The following ARFGEF2 variants were observed in gnomAD, a reference collection of about 807,000 sequenced individuals.
ARFGEF2 encodes the protein brefeldin A-inhibited guanine nucleotide-exchange protein 2.
Under a neutral mutation model 219.9 loss-of-function variants are expected in ARFGEF2, and 74 were observed. That is an observed-to-expected ratio of 0.34 (90% CI 0.28 to 0.41). The LOEUF (loss-of-function observed/expected upper bound fraction) is 0.41. ARFGEF2 is among the 10% of genes least tolerant of loss of function. The pLI, the probability that ARFGEF2 is intolerant of heterozygous loss-of-function variation, is 1.00. For missense variants in ARFGEF2, 1,743 were observed against 2,218.3 expected, an observed-to-expected ratio of 0.79 and a Z score of 4.30; for synonymous variants, 733 against 799.2, an observed-to-expected ratio of 0.92 and a Z score of 1.40.
chr20:48,955,000 C>T (rs947168103), intron 6 of ARFGEF2, among the ~76,000 whole-genome samples: 1 of 152,084 alleles, frequency 6.6e-6, no homozygotes, highest in Non-Finnish European at 1.5e-5. Flanking sequence ...AGATATAAAA[C>T]CAAGTCTCTC....
intron 35 of ARFGEF2, among the ~76,000 whole-genome samples, chr20:49,023,634 G>A (rs1055426593): frequency 7.3e-5 from 11 of 150,996 alleles, no homozygotes; most frequent in Non-Finnish European, 1.6e-4. Context: ...CGCCTCCTGG[G>A]TTCACGCCAT....
intron 1 of ARFGEF2, among the ~76,000 whole-genome samples, chr20:48,924,478 C>T (rs1419817761): frequency 7.1e-6 from 1 of 140,366 alleles, no homozygotes; most frequent in Non-Finnish European, 1.5e-5. Context: ...CGCCACTGCA[C>T]TCCAGCCTGG....
intron 36 of ARFGEF2, among the ~76,000 whole-genome samples, chr20:49,025,883 G>A (rs897809873): frequency 3.9e-5 from 6 of 151,932 alleles, no homozygotes; most frequent in African/African-American, 7.3e-5. Context: ...TTGGGAGGCC[G>A]AGGCAGGAGA....
At chr20:48,951,725 G>A (rs1174053791) in intron 4 of ARFGEF2, among the ~76,000 whole-genome samples, 51 of 152,252 alleles carry the variant, frequency 3.3e-4, no homozygotes, top group Admixed American at 3.3e-3. Context: ...GAATTAAATC[G>A]TCTTGAAATC....
At position 49,017,369 on chromosome 20, in the gene ARFGEF2, A is replaced by T; in HGVS notation, c.4436A>T (p.Lys1479Ile). The change falls in exon 32 of 39, where the codon AAA becomes ATA. Residue 1479 changes from lysine to isoleucine, a missense_variant. By Grantham distance (102) the Lys-to-Ile change is moderately radical. Transcript: ENST00000371917. ...TGCAACTGTATGTTGGATATTTTCA[A>T]AACAACCATCCCACATGTGTAAGTG... The part of the protein sequence containing the change: ...ETCNCMLDIF[K>I]TTIPHVLLTW... The T allele has an allele frequency of 6.2e-7, 1 of 1,614,062 alleles. No individual in the cohort carries two copies.
At chr20:48,979,452 T>C (rs1267204260) in intron 14 of ARFGEF2, among the ~76,000 whole-genome samples, 1 of 152,236 alleles carries the variant, frequency 6.6e-6, no homozygotes, top group Non-Finnish European at 1.5e-5. Flanking sequence ...TTATTGTGTC[T>C]CTGCCAGGCT....
At chr20:48,962,238 A>G (rs984303832) in intron 6 of ARFGEF2, among the ~76,000 whole-genome samples, 2 of 152,212 alleles carry the variant, frequency 1.3e-5, no homozygotes, top group African/African-American at 2.4e-5. Flanking sequence ...TTTATTACCA[A>G]TTATTATGTA....
intron 1 of ARFGEF2, among the ~76,000 whole-genome samples, 186 bp downstream of exon 1, chr20:48,922,196 G>A (rs1339750067): frequency 6.6e-6 from 1 of 152,250 alleles, no homozygotes; most frequent in African/African-American, 2.4e-5. Context: ...ACTGGCCCAA[G>A]GTCACCTAGC....
At chr20:49,011,308 C>T (rs6012581) in intron 27 of ARFGEF2, among the ~76,000 whole-genome samples, 56,901 of 152,074 alleles carry the variant, frequency 0.37, 11,478 homozygotes, top group African/African-American at 0.54. Context: ...CCATATTTTC[C>T]CTAAGAGCCA....
chr20:48,941,107 C>G, intron 1 of ARFGEF2, 92 bp from the exon 2 acceptor site: 1 of 1,172,400 alleles, frequency 8.5e-7, no homozygotes, highest in Non-Finnish European at 1.2e-6. Context: ...CGTTAACAAT[C>G]TTTTCAGTGG....
chr20:48,921,817 G>GC lies in ARFGEF2; in HGVS notation c.-70dup, dbSNP rs948159095. 86 of 1,295,422 alleles carry GC rather than the reference G, an allele frequency of 6.6e-5. No individual in the cohort carries two copies. The highest frequency in any genetic ancestry group is 8.2e-5 in the Non-Finnish European group (83 of 1,015,272). 80.2% of individuals were successfully genotyped at this position (1,295,422 alleles called of 1,614,324 possible). On this transcript the variant is annotated 5_prime_UTR_variant, in exon 1 of 39. Transcript: ENST00000371917. ...CGGCCGGTGCCGGCCGGGACGCCGG[G>GC]CCCGCAGCCTAGCTCGCCATCTCGC... is the stretch of plus-strand genomic sequence containing the variant.
intron 1 of ARFGEF2, among the ~76,000 whole-genome samples, chr20:48,922,669 T>C (rs1254555726): frequency 6.6e-6 from 1 of 152,226 alleles, no homozygotes; most frequent in Admixed American, 6.5e-5. Context: ...TGGCGCACAG[T>C]AGGTGCTCGA....
intron 1 of ARFGEF2, among the ~76,000 whole-genome samples, chr20:48,940,305 G>A (rs2090985580): frequency 6.6e-6 from 1 of 152,146 alleles, no homozygotes; most frequent in Non-Finnish European, 1.5e-5. Context: ...TTAAAAGATG[G>A]TTAAGATGGT....
At chr20:48,949,911 G>A (rs761020051) in intron 3 of ARFGEF2, among the ~76,000 whole-genome samples, 14 of 152,268 alleles carry the variant, frequency 9.2e-5, no homozygotes, top group Middle Eastern at 3.4e-3. Context: ...CCAGATGAGT[G>A]ATTCTTTTAT....
Position 49,017,563 on chromosome 20 carries a change from GT to G in ARFGEF2, c.4509+18del. 1 of 1,613,592 alleles carries G rather than the reference GT, an allele frequency of 6.2e-7. No individual in the cohort carries two copies. The highest frequency in any genetic ancestry group is 8.5e-7 in the Non-Finnish European group (1 of 1,179,900). ...AGAAAAGCATTTGGTAGGATTTGGGGTTTTTCTTTGGTTGTCTTTTCTTTTT... is the reference window on the plus strand; with the variant it reads ...AGAAAAGCATTTGGTAGGATTTGGGGTTTTCTTTGGTTGTCTTTTCTTTTT... On this transcript the variant is annotated intron_variant, in intron 33 of 38. Coordinates refer to ENST00000371917, the MANE Select transcript of ARFGEF2 (RefSeq NM_006420.3).
rs750426526 is a variant in ARFGEF2 at position 48,998,421 on chromosome 20, T to C, written c.3348T>C (p.Ile1116=). 3.1e-6 allele frequency: 5 copies of C among 1,613,980 alleles called. No individual in the cohort carries two copies. The highest frequency in any genetic ancestry group is 1.3e-5 in the African/African-American group (1 of 74,876). ...HHPRMFSLQK[I]VEISYYNMNR... The stretch of plus-strand genomic sequence containing the variant: ...CTCGCATGTTCAGCTTGCAGAAGAT[T>C]GTGGAGATATCATACTACAACATGA... The change falls in exon 25 of 39, where the codon ATT becomes ATC. Residue 1116 remains isoleucine (I), a synonymous_variant. Coordinates refer to ENST00000371917, the MANE Select transcript of ARFGEF2 (RefSeq NM_006420.3).
rs746043194 is a variant in ARFGEF2 at position 49,011,984 on chromosome 20, G to T, written c.3818G>T (p.Cys1273Phe). 1 of 1,614,198 alleles carries T rather than the reference G, an allele frequency of 6.2e-7. No individual in the cohort carries two copies. Among genetic ancestry groups the T allele is most frequent in the South Asian group, 1.1e-5 (1 of 91,080 alleles). ...GATTCCTTTCAGGATGCTGTGAAGT[G>T]CTTATCAGAGTTCGCCTGCAACGCC... ...AIDSFQDAVK[C>F]LSEFACNAAF... The change falls in exon 28 of 39, where the codon TGC becomes TTC. Residue 1273 changes from cysteine to phenylalanine, a missense_variant. Transcript: ENST00000371917.
intron 7 of ARFGEF2, among the ~76,000 whole-genome samples, chr20:48,964,552 G>C (rs1344883544): frequency 6.6e-6 from 1 of 152,200 alleles, no homozygotes. Context: ...CATTGGAGCT[G>C]AGTTTTCATG....
At position 49,036,589 on chromosome 20, in the gene ARFGEF2, T is replaced by C. The variant is rs1250156825; in HGVS notation, c.*3390T>C. The C allele has an allele frequency of 3.6e-5, 7 of 193,538 alleles. No individual in the cohort carries two copies. In the East Asian group the frequency reaches 8.4e-4, roughly 23 times the overall value. The allele number at this position is 193,538 out of a possible 1,614,324, so 12.0% of individuals were successfully genotyped here. A position where few individuals can be genotyped will look rare whatever the true frequency, so the allele number is the denominator to read the frequency against. ...TGAAAGAATAAGCAGAATTATATAA[T>C]ATGAAATGCTATGTAAAGTTTTCTA... is the stretch of plus-strand genomic sequence containing the variant. On this transcript the variant is annotated 3_prime_UTR_variant, in exon 39 of 39. Coordinates refer to ENST00000371917, the MANE Select transcript of ARFGEF2 (RefSeq NM_006420.3).
Sources: gnomAD v4.1 joint callset for allele counts (sites outside exome capture counted in the v4.1 genomes callset) on GRCh38, gnomAD v4.1.1 for gene constraint, MANE v1.5 for transcripts, NCBI Gene and HGNC (gene_info 2026-07-23, HGNC 2026-07-21) for gene names.